POLR1C: variants seen among roughly 807,000 people sequenced by gnomAD.
POLR1C encodes DNA-directed RNA polymerases I and III subunit RPAC1.
In POLR1C, 42 loss-of-function variants were observed where a neutral mutation model predicts 38.3. That is an observed-to-expected ratio of 1.10 (90% CI 0.86 to 1.42). The LOEUF is 1.42. Ranked by LOEUF, POLR1C falls within the 40% of genes most tolerant of loss-of-function variation. The pLI, the probability that POLR1C is intolerant of heterozygous loss-of-function variation, is 0.00. For missense variants in POLR1C, 507 were observed against 450.5 expected (o/e 1.13, Z -1.14); for synonymous variants, 163 against 163.9 (o/e 0.99, Z 0.04).
Position 43,519,852 on chromosome 6 carries a change from A to G in POLR1C, c.382+14A>G, listed in dbSNP as rs1793046168. On this transcript the variant is annotated intron_variant, in intron 4 of 8. Coordinates refer to ENST00000642195, the MANE Select transcript of POLR1C (RefSeq NM_203290.4). ...ATCGGAACCAAGGTGAGAAAATGAA[A>G]TTTTGGGAGAAGTGGACTATCTGGG... The G allele has an allele frequency of 1.2e-6, 2 of 1,612,434 alleles. No individual in the cohort carries two copies. The highest frequency in any genetic ancestry group is 2.2e-5 in the South Asian group (2 of 90,846).
At position 43,520,674 on chromosome 6, in the gene POLR1C, C is replaced by T. The variant is rs892012657; in HGVS notation, c.705C>T (p.Leu235=). Reference sequence around the variant, plus strand: ...CAGTGGCAACAGCCAGTTACAGGCTCCTGCCAGACATCACCCTGCTTGAGC... The same window carrying T: ...CAGTGGCAACAGCCAGTTACAGGCTTCTGCCAGACATCACCCTGCTTGAGC... ...FSPVATASYR[L]LPDITLLEPV... The change falls in exon 7 of 9, where the codon CTC becomes CTT. Residue 235 remains leucine (L), a synonymous_variant. Coordinates refer to ENST00000642195, the MANE Select transcript of POLR1C (RefSeq NM_203290.4). 2 of 1,614,110 alleles carry T rather than the reference C, an allele frequency of 1.2e-6. No individual in the cohort carries two copies. Among genetic ancestry groups the T allele is most frequent in the South Asian group, 1.1e-5 (1 of 91,086 alleles).
downstream of POLR1C, chr6:43,523,497 G>A (rs146462243): frequency 1.1e-4 from 44 of 389,686 alleles, no homozygotes; most frequent in African/African-American, 7.7e-4. Flanking sequence ...CTTGCTAGTC[G>A]CAGGGTTGGG....
intron 3 of POLR1C, 123 bp from the exon 4 acceptor site, chr6:43,519,583 T>TA (rs1433924098): frequency 6.7e-7 from 1 of 1,500,190 alleles, no homozygotes; most frequent in East Asian, 2.3e-5. Context: ...TCATTCTTTG[T>TA]AAATTTCTCA....
chr6:43,552,613 A>G (rs1055294559), intron 10 of POLR1C, among the ~76,000 whole-genome samples: 10 of 152,104 alleles, frequency 6.6e-5, no homozygotes, highest in African/African-American at 2.4e-4. Flanking sequence ...TTGGCCTCCC[A>G]AAGTGCTGCG....
chr6:43,536,861 T>C (rs1794365071), intron 9 of POLR1C, among the ~76,000 whole-genome samples: 2 of 151,308 alleles, frequency 1.3e-5, no homozygotes, highest in Admixed American at 6.6e-5. Context: ...AGGAATCTAA[T>C]TGTTTTTTCT....
chr6:43,550,026 G>T, intron 9 of POLR1C: 1 of 1,347,924 alleles, frequency 7.4e-7, no homozygotes. Flanking sequence ...GAATTCCTGG[G>T]CTCAACTGAT....
Position 43,520,142 on chromosome 6 carries a change from TAA to T in POLR1C, c.461_462del (p.Lys154ArgfsTer4), listed in dbSNP as rs770857344. On this transcript the variant is annotated frameshift_variant, in exon 5 of 9. Coordinates refer to ENST00000642195, the MANE Select transcript of POLR1C (RefSeq NM_203290.4). LOFTEE classifies it high-confidence loss of function. ...GATGCACTCGGAACCCCCATGCTGC[TAA>T]AGATTCCTCTGACCCCAACGAACTG... ...VRCTRNPHAA[K>X]DSSDPNELYV... The T allele has an allele frequency of 4.3e-6, 7 of 1,614,212 alleles. No individual in the cohort carries two copies. Among genetic ancestry groups the T allele is most frequent in the South Asian group, 1.1e-5 (1 of 91,086 alleles).
intron 10 of POLR1C, among the ~76,000 whole-genome samples, chr6:43,557,574 G>T (rs1762166169): frequency 6.6e-6 from 1 of 152,134 alleles, no homozygotes; most frequent in Admixed American, 6.6e-5. Flanking sequence ...ACAGAAAGTA[G>T]ATTACTGGTT....
intron 9 of POLR1C, chr6:43,547,515 T>G: frequency 8.6e-7 from 1 of 1,165,846 alleles, no homozygotes; most frequent in Admixed American, 1.9e-5. Flanking sequence ...CTCACCAGTA[T>G]AGAAAAAACA....
downstream of POLR1C, chr6:43,523,269 G>A (rs993088056): frequency 8.9e-6 from 2 of 223,966 alleles, no homozygotes; most frequent in Admixed American, 1.0e-4. Context: ...GCAGTAGCCT[G>A]TACCATGGAT....
At chr6:43,529,115 T>G in intron 8 of POLR1C, 1 of 1,132,024 alleles carries the variant, frequency 8.8e-7, no homozygotes, top group Non-Finnish European at 1.3e-6. Flanking sequence ...TTGAATTCCA[T>G]TATACTCTTA....
downstream of POLR1C, chr6:43,530,952 T>A: frequency 2.5e-6 from 3 of 1,201,622 alleles, no homozygotes; most frequent in Non-Finnish European, 3.4e-6. Context: ...TGTATTTACT[T>A]AAGAGAACTT....
At chr6:43,519,240 G>A in intron 2 of POLR1C, 93 bp from the exon 3 acceptor site, 1 of 790,652 alleles carries the variant, frequency 1.3e-6, no homozygotes, top group South Asian at 1.4e-5. Flanking sequence ...TGGATGAGAG[G>A]ATAATACTTG....
At chr6:43,525,554 AG>A (rs2127698956), downstream of POLR1C, 4 of 526,006 alleles carry the variant, frequency 7.6e-6, no homozygotes, top group Admixed American at 1.1e-4. Context: ...CTGTATGTGT[AG>A]GATGGAGACA....
intron 8 of POLR1C, chr6:43,528,311 C>T: frequency 8.3e-7 from 1 of 1,199,300 alleles, no homozygotes; most frequent in Non-Finnish European, 1.2e-6. Context: ...AAGGATGATT[C>T]TAGGCATCAA....
intron 9 of POLR1C, among the ~76,000 whole-genome samples, chr6:43,550,326 T>C (rs1469291373): frequency 6.6e-6 from 1 of 152,244 alleles, no homozygotes; most frequent in Middle Eastern, 3.2e-3. Context: ...GCCACTATTA[T>C]GGAATTAAAC....
intron 8 of POLR1C, chr6:43,528,800 T>C: frequency 1.9e-6 from 3 of 1,604,568 alleles, no homozygotes; most frequent in East Asian, 2.2e-5. Flanking sequence ...TAGTACTCTT[T>C]GCTTCCTGTT....
At chr6:43,528,235 G>T in intron 8 of POLR1C, 1 of 1,569,374 alleles carries the variant, frequency 6.4e-7, no homozygotes, top group South Asian at 1.2e-5. Context: ...ATAAATGCTA[G>T]AATTGGGGAA....
At chr6:43,523,590 C>G, downstream of POLR1C, 1 of 634,092 alleles carries the variant, frequency 1.6e-6, no homozygotes. Context: ...CTGCTCTGCT[C>G]TAGCTTTTCT....
Sources: allele counts gnomAD v4.1 joint callset (sites outside exome capture counted in the v4.1 genomes callset), GRCh38; gene constraint gnomAD v4.1.1; transcripts MANE v1.5; gene names NCBI Gene and HGNC (gene_info 2026-07-23, HGNC 2026-07-21).